The following PHACTR1 variants were observed in gnomAD, a reference collection of about 807,000 sequenced individuals.
PHACTR1 encodes the protein RPEL repeat containing 1.
In PHACTR1, 16 loss-of-function variants were observed where a neutral mutation model predicts 69.2. The ratio of observed to expected loss-of-function variants is 0.23; its 90% confidence interval spans 0.16 to 0.35. The LOEUF is 0.35. PHACTR1 is among the 10% of genes least tolerant of loss of function. The pLI, the probability that PHACTR1 is intolerant of heterozygous loss-of-function variation, is 1.00. For missense variants in PHACTR1, 510 were observed against 734.7 expected (o/e 0.69, Z 3.54); for synonymous variants, 312 against 284.5 (o/e 1.10, Z -0.97).
chr6:13,160,715 G>T (rs1758866440), intron 6 of PHACTR1, among the ~76,000 whole-genome samples: 1 of 152,080 alleles, frequency 6.6e-6, no homozygotes, highest in African/African-American at 2.4e-5. Flanking sequence ...TTGTTTGTTT[G>T]CTTTTGGTGG....
chr6:12,763,718 A>T (rs564007827), intron 4 of PHACTR1, among the ~76,000 whole-genome samples: 78 of 152,342 alleles, frequency 5.1e-4, no homozygotes, highest in African/African-American at 1.8e-3. Flanking sequence ...TAAAAGCTGT[A>T]AACAGCCCCT....
intron 4 of PHACTR1, among the ~76,000 whole-genome samples, chr6:12,940,037 TAA>T (rs1185715890): frequency 6.6e-6 from 1 of 152,132 alleles, no homozygotes; most frequent in Non-Finnish European, 1.5e-5. Context: ...GAAGCTGTAA[TAA>T]GAGAGACAAA....
intron 4 of PHACTR1, among the ~76,000 whole-genome samples, chr6:12,982,676 A>G (rs1192321846): frequency 6.6e-6 from 1 of 152,120 alleles, no homozygotes; most frequent in Non-Finnish European, 1.5e-5. Flanking sequence ...AAATAAACAA[A>G]CAAACCTATC....
chr6:12,950,231 T>A (rs1791130731), intron 4 of PHACTR1, among the ~76,000 whole-genome samples: 1 of 152,204 alleles, frequency 6.6e-6, no homozygotes, highest in Non-Finnish European at 1.5e-5. Flanking sequence ...GCAGGCTAAG[T>A]TGGGCTTCCT....
intron 5 of PHACTR1, among the ~76,000 whole-genome samples, chr6:13,088,825 A>G (rs1025818184): frequency 6.6e-6 from 1 of 152,168 alleles, no homozygotes; most frequent in African/African-American, 2.4e-5. Context: ...ACAGGGATAC[A>G]ATGCAATGCA....
chr6:12,914,296 C>A (rs1327258579), intron 4 of PHACTR1, among the ~76,000 whole-genome samples: 3 of 152,202 alleles, frequency 2.0e-5, no homozygotes, highest in African/African-American at 7.2e-5. Context: ...CTGCTCCCAA[C>A]AGAGGCAACT....
At chr6:12,860,410 G>T (rs1330254309) in intron 4 of PHACTR1, among the ~76,000 whole-genome samples, 1 of 152,100 alleles carries the variant, frequency 6.6e-6, no homozygotes, top group African/African-American at 2.4e-5. Context: ...TGGGCATTTA[G>T]GTTGGTTCCA....
intron 10 of PHACTR1, among the ~76,000 whole-genome samples, chr6:13,243,390 G>A (rs1169840452): frequency 6.6e-6 from 1 of 152,062 alleles, no homozygotes. Flanking sequence ...AACTTACCAG[G>A]AGGCAATGAA....
At chr6:13,281,518 T>C (rs761689274) in intron 12 of PHACTR1, 19 of 282,542 alleles carry the variant, frequency 6.7e-5, no homozygotes, top group African/African-American at 1.8e-4. Flanking sequence ...CATTGCACCA[T>C]TGAACTCCAG....
chr6:13,143,901 G>A (rs1234986752), intron 5 of PHACTR1, among the ~76,000 whole-genome samples: 8 of 152,074 alleles, frequency 5.3e-5, no homozygotes, highest in Non-Finnish European at 1.2e-4. Flanking sequence ...CGTAGTTTTT[G>A]TAATATTCAA....
chr6:13,187,223 T>A (rs553359843), intron 7 of PHACTR1, among the ~76,000 whole-genome samples: 15 of 152,300 alleles, frequency 9.8e-5, no homozygotes, highest in African/African-American at 3.6e-4. Flanking sequence ...GCCCTGGTGG[T>A]TGGGGACCCC....
chr6:13,201,803 T>C (rs1367129240), intron 7 of PHACTR1, among the ~76,000 whole-genome samples: 1 of 152,188 alleles, frequency 6.6e-6, no homozygotes, highest in Non-Finnish European at 1.5e-5. Context: ...AAATAGGCAT[T>C]GCCACTCTAA....
chr6:12,849,320 C>T (rs1315328848), intron 4 of PHACTR1, among the ~76,000 whole-genome samples: 3 of 152,148 alleles, frequency 2.0e-5, no homozygotes, highest in East Asian at 1.9e-4. Flanking sequence ...GTCGGTGATT[C>T]GGTCAGCCAG....
At chr6:13,006,668 C>T (rs1258882355) in intron 4 of PHACTR1, among the ~76,000 whole-genome samples, 3 of 152,058 alleles carry the variant, frequency 2.0e-5, no homozygotes, top group Non-Finnish European at 4.4e-5. Context: ...GATACACACA[C>T]ACACACACAC....
intron 4 of PHACTR1, among the ~76,000 whole-genome samples, chr6:12,905,008 T>A (rs928268405): frequency 6.6e-6 from 1 of 152,204 alleles, no homozygotes; most frequent in Non-Finnish European, 1.5e-5. Context: ...GAAAGCCCAC[T>A]TGATGGTAGG....
intron 12 of PHACTR1, chr6:13,279,182 A>AT (rs1264280705): frequency 6.6e-6 from 1 of 152,198 alleles, no homozygotes; most frequent in African/African-American, 2.4e-5. Flanking sequence ...TGGAATTTTA[A>AT]TATAGTCTTA....
At chr6:13,069,848 A>C (rs954524006) in intron 5 of PHACTR1, among the ~76,000 whole-genome samples, 6 of 152,152 alleles carry the variant, frequency 3.9e-5, no homozygotes, top group African/African-American at 1.4e-4. Flanking sequence ...TATTAACTTC[A>C]TTTGACAAGT....
intron 4 of PHACTR1, among the ~76,000 whole-genome samples, chr6:12,820,615 TG>T (rs1400222103): frequency 1.3e-5 from 2 of 152,232 alleles, no homozygotes; most frequent in Non-Finnish European, 2.9e-5. Flanking sequence ...TGGAGTGCCT[TG>T]TATACTTTGA....
Position 12,726,267 on chromosome 6 carries a change from T to G in PHACTR1, c.103+7420T>G, listed in dbSNP as rs533828350. Among the ~76,000 whole-genome samples, 11 of 152,318 alleles carry G rather than the reference T, an allele frequency of 7.2e-5. No homozygotes were observed. The South Asian group carries it at 2.3e-3, about 32-fold the overall frequency. ...AAGGGCTTTTTGATATAGAATAGTC[T>G]GGGATGATGGAGTTTTCATTCTGCC... On this transcript the variant is annotated intron_variant, in intron 3 of 14. Coordinates refer to ENST00000332995, the MANE Select transcript of PHACTR1 (RefSeq NM_030948.6).
Sources: allele counts gnomAD v4.1 joint callset (sites outside exome capture counted in the v4.1 genomes callset), GRCh38; gene constraint gnomAD v4.1.1; transcripts MANE v1.5; gene names NCBI Gene and HGNC (gene_info 2026-07-23, HGNC 2026-07-21).